The following MYH9 variants were observed in gnomAD, a reference collection of about 807,000 sequenced individuals.
MYH9 encodes the protein myosin heavy chain 9.
A neutral mutation model predicts 241.9 loss-of-function variants in MYH9; 29 were observed. That is an observed-to-expected ratio of 0.12 (90% CI 0.09 to 0.16). MYH9 has a LOEUF of 0.16. MYH9 is among the 10% of genes least tolerant of loss of function. The probability of loss-of-function intolerance (pLI) is 1.00; values close to 1 mark genes in which losing one functional copy is unlikely to be tolerated. For missense variants in MYH9, 1,803 were observed against 2,595.5 expected (o/e 0.69, Z 6.63); for synonymous variants, 1,047 against 1,062.6 (o/e 0.99, Z 0.29).
At chr22:36,371,314 C>A (rs9610497) in intron 1 of MYH9, among the ~76,000 whole-genome samples, 166 of 151,986 alleles carry the variant, frequency 1.1e-3, no homozygotes, top group African/African-American at 3.7e-3. Context: ...CCTTATAAGA[C>A]GAGGAAGAGA....
In MYH9 at chr22:36,331,758, C is replaced by A. The variant is rs74418200; in HGVS notation, c.491-4270G>T. 7.0e-3 allele frequency among the ~76,000 whole-genome samples: 1,072 copies of A among 152,342 alleles called. 13 individuals are homozygous for A. The highest frequency in any genetic ancestry group is 0.025 in the African/African-American group (1,025 of 41,574). ...CTCCCGAGGTTCCAGCATGGAGCAGCTCTCTCGGGCTCCACCTGGGAGAGG... is the reference window on the plus strand; with the variant it reads ...CTCCCGAGGTTCCAGCATGGAGCAGATCTCTCGGGCTCCACCTGGGAGAGG... On this transcript the variant is annotated intron_variant, in intron 3 of 40. Transcript: ENST00000216181.
intron 1 of MYH9, among the ~76,000 whole-genome samples, chr22:36,375,840 C>T (rs577099515): frequency 4.9e-4 from 74 of 151,860 alleles, no homozygotes; most frequent in Non-Finnish European, 6.0e-4. Context: ...CTGGACAACA[C>T]AGTGAGAGCC....
chr22:36,355,639 G>A (rs1032323194), intron 1 of MYH9, among the ~76,000 whole-genome samples: 2 of 152,272 alleles, frequency 1.3e-5, no homozygotes, highest in Admixed American at 1.3e-4. Flanking sequence ...GCTAGGAAGC[G>A]CTGCATGTTC....
intron 1 of MYH9, among the ~76,000 whole-genome samples, chr22:36,383,170 T>C (rs1049965917): frequency 6.6e-6 from 1 of 151,734 alleles, no homozygotes. Context: ...CAGTGAGCTA[T>C]GATCATGCTA....
chr22:36,308,006 G>C (rs530173807), intron 15 of MYH9, among the ~76,000 whole-genome samples: 1 of 152,212 alleles, frequency 6.6e-6, no homozygotes, highest in South Asian at 2.1e-4. Flanking sequence ...AGGTTGTCCA[G>C]AGAAAGGTTA....
Position 36,282,229 on chromosome 22 carries a change from G to C in MYH9, c.*439C>G, listed in dbSNP as rs1456841490. The C allele has an allele frequency of 2.7e-6, 1 of 363,926 alleles. No homozygotes were observed. Among genetic ancestry groups the C allele is most frequent in the East Asian group, 4.6e-5 (1 of 21,704 alleles). The allele number at this position is 363,926 out of a possible 1,614,324, so 22.5% of individuals were successfully genotyped here. The stretch of plus-strand genomic sequence containing the variant: ...AAACAGCAAAGAAAGGAGGAGGAGT[G>C]GGGGCGCTGGTGGCAGACGTCAGGG... On this transcript the variant is annotated 3_prime_UTR_variant, in exon 41 of 41. Transcript: ENST00000216181.
Position 36,295,212 on chromosome 22 carries a change from C to A in MYH9, c.3486-136G>T. ...CAGCTTTTCTACCCACCGGCCCCTC[C>A]TAGCCATCTATCCCATAGCCCAGGC... On this transcript the variant is annotated intron_variant, in intron 26 of 40. Transcript: ENST00000216181. This position sits in a 1 kb window ranked among gnomAD's most constrained non-coding sequence, Gnocchi z 4.1. 1 of 1,189,088 alleles carries A rather than the reference C, an allele frequency of 8.4e-7. No homozygotes were observed. Among genetic ancestry groups the A allele is most frequent in the East Asian group, 2.3e-5 (1 of 42,724 alleles). The allele number at this position is 1,189,088 out of a possible 1,614,324, so 73.7% of individuals were successfully genotyped here.
chr22:36,353,102 CGTGTGTGTGTGT>C (rs71323001), intron 1 of MYH9, among the ~76,000 whole-genome samples: 3 of 142,876 alleles, frequency 2.1e-5, no homozygotes, highest in Non-Finnish European at 4.5e-5. Flanking sequence ...CCTCTGGGGG[CGTGTGTGTGTGT>C]GTGTGTGTGT....
intron 1 of MYH9, among the ~76,000 whole-genome samples, chr22:36,379,407 G>A (rs1007504082): frequency 1.3e-5 from 2 of 152,238 alleles, no homozygotes; most frequent in Non-Finnish European, 2.9e-5. Context: ...TACTTGGGAG[G>A]CTGAGGCAGG....
chr22:36,349,028 T>C lies in MYH9; in HGVS notation c.209A>G (p.Asp70Gly). ...ENGKKVKVNK[D>G]DIQKMNPPKF... Reference sequence around the variant, plus strand: ...GGGCGGGTTCATCTTCTGGATGTCATCCTTGTTCACCTTCACCTTCTTCCC... The same window carrying C: ...GGGCGGGTTCATCTTCTGGATGTCACCCTTGTTCACCTTCACCTTCTTCCC... Residue 70 changes from aspartate (D) to glycine (G), a missense_variant, in exon 2 of 41, where the codon GAT (aspartate) becomes GGT (glycine). Asp to Gly is a moderately conservative substitution (Grantham distance 94). Transcript: ENST00000216181. 1.9e-6 allele frequency: 3 copies of C among 1,614,246 alleles called. No individual in the cohort carries two copies. The highest frequency in any genetic ancestry group is 2.5e-6 in the Non-Finnish European group (3 of 1,180,042).
At chr22:36,283,567 A>C (rs895312042) in intron 40 of MYH9, among the ~76,000 whole-genome samples, 14 of 151,932 alleles carry the variant, frequency 9.2e-5, no homozygotes, top group African/African-American at 3.4e-4. Context: ...AATAAAAAAA[A>C]CACGTAAACA....
In MYH9 at chr22:36,348,992, T is replaced by G; in HGVS notation, c.245A>C (p.Lys82Thr). Residue 82 changes from lysine (K) to threonine (T), a missense_variant, in exon 2 of 41, where the codon AAG becomes ACG. Lys to Thr is a moderately conservative substitution (Grantham distance 78). Transcript: ENST00000216181. The stretch of plus-strand genomic sequence containing the variant: ...CGTGAGCTCTGCCATGTCCTCCACC[T>G]TGGAGAACTTGGGCGGGTTCATCTT... ...IQKMNPPKFS[K>T]VEDMAELTCL... 1.2e-6 allele frequency: 2 copies of G among 1,614,274 alleles called. No homozygotes were observed. Among genetic ancestry groups the G allele is most frequent in the Non-Finnish European group, 1.7e-6 (2 of 1,180,050 alleles).
At chr22:36,309,060 T>A (rs2146351479) in intron 15 of MYH9, among the ~76,000 whole-genome samples, 1 of 152,250 alleles carries the variant, frequency 6.6e-6, no homozygotes, top group South Asian at 2.1e-4. Context: ...CGGAAAGCGC[T>A]CCGCCCAGGA....
intron 3 of MYH9, among the ~76,000 whole-genome samples, chr22:36,332,661 T>TTA (rs2017441067): frequency 9.0e-5 from 4 of 44,476 alleles, no homozygotes; most frequent in South Asian, 1.9e-3. Context: ...TCTGGATAAT[T>TTA]AAAAAAAAAA....
At chr22:36,356,360 C>T (rs1191945276) in intron 1 of MYH9, among the ~76,000 whole-genome samples, 20 of 152,002 alleles carry the variant, frequency 1.3e-4, no homozygotes, top group Non-Finnish European at 2.9e-4. Flanking sequence ...GCGAGTGGAT[C>T]ACCTGAGGTC....
rs193245438 is a variant in MYH9, at chr22:36,291,895, G to A, written c.4344+91C>T. The stretch of plus-strand genomic sequence containing the variant: ...CGGCCCCTCCCCGGCGAGACCCTGA[G>A]GGAGCCCAGGCTTTCTCTGATGGGC... On this transcript the variant is annotated intron_variant, in intron 31 of 40. Coordinates refer to ENST00000216181, the MANE Select transcript of MYH9 (RefSeq NM_002473.6). 5.0e-4 allele frequency: 797 copies of A among 1,595,638 alleles called. 3 individuals carry two copies. The East Asian group carries it at 0.012, about 23-fold the overall frequency.
At chr22:36,361,498 G>A (rs534962454) in intron 1 of MYH9, among the ~76,000 whole-genome samples, 45 of 152,090 alleles carry the variant, frequency 3.0e-4, no homozygotes, top group Non-Finnish European at 4.7e-4. Flanking sequence ...ACACCAGTAC[G>A]TATTTCAAAT....
At position 36,313,190 on chromosome 22, in the gene MYH9, G is replaced by A. The variant is rs527897209; in HGVS notation, c.1554+955C>T. On this transcript the variant is annotated intron_variant, in intron 13 of 40. Transcript: ENST00000216181. Reference sequence around the variant, plus strand: ...AAGAAAACCCAGAGACAGGCCAGGCGCGGTGGCTCACACCTGTAATCCCAG... The same window carrying A: ...AAGAAAACCCAGAGACAGGCCAGGCACGGTGGCTCACACCTGTAATCCCAG... 4.0e-5 allele frequency among the ~76,000 whole-genome samples: 6 copies of A among 151,754 alleles called. No homozygotes were observed. The South Asian group carries it at 6.3e-4, about 16-fold the overall frequency.
rs188843586 is a variant in MYH9 at position 36,299,052 on chromosome 22, G to C, written c.2977-10C>G. 8 of 1,613,952 alleles carry C rather than the reference G, an allele frequency of 5.0e-6. No individual in the cohort carries two copies. The highest frequency in any genetic ancestry group is 5.9e-6 in the Non-Finnish European group (7 of 1,179,950). On this transcript the variant is annotated splice_polypyrimidine_tract_variant and intron_variant, in intron 23 of 40. Transcript: ENST00000216181. ...CCAGCAGTTTCTTTTCCTGGGGAGA[G>C]GGGAGTAGGCTGGCATTTAGTGTTG...
Sources: gnomAD v4.1 joint callset for allele counts (sites outside exome capture counted in the v4.1 genomes callset) on GRCh38, gnomAD v4.1.1 for gene constraint, Gnocchi (gnomAD v3.1) non-coding constraint, MANE v1.5 for transcripts, NCBI Gene and HGNC (gene_info 2026-07-23, HGNC 2026-07-21) for gene names.